Variants in SMYD3 observed in about 807,000 individuals in gnomAD.
The protein encoded by SMYD3 is SET and MYND domain containing 3, also known as histone-lysine N-methyltransferase SMYD3.
In SMYD3, 36 loss-of-function variants were observed where a neutral mutation model predicts 57.7. That is an observed-to-expected ratio of 0.62 (90% CI 0.48 to 0.82). The LOEUF is 0.82. Among genes scored for constraint, SMYD3 ranks in the 40% least tolerant of loss-of-function variants. The pLI is 0.00. For missense variants in SMYD3, 515 were observed against 538.8 expected (o/e 0.96, Z 0.44); for synonymous variants, 211 against 195.0 (o/e 1.08, Z -0.68).
intron 10 of SMYD3, among the ~76,000 whole-genome samples, chr1:245,827,604 A>G (rs1465615925): frequency 2.2e-5 from 3 of 133,844 alleles, no homozygotes; most frequent in African/African-American, 8.0e-5. Flanking sequence ...ACACACTCTC[A>G]TAGCAGCATC....
intron 5 of SMYD3, among the ~76,000 whole-genome samples, chr1:245,949,020 C>T (rs906781582): frequency 4.5e-4 from 68 of 152,236 alleles, no homozygotes; most frequent in African/African-American, 1.6e-3. Context: ...ATCTAGCATC[C>T]ATTGCATGTG....
At chr1:246,256,829 C>T (rs907559097) in intron 5 of SMYD3, among the ~76,000 whole-genome samples, 1 of 152,152 alleles carries the variant, frequency 6.6e-6, no homozygotes, top group Non-Finnish European at 1.5e-5. Flanking sequence ...CCTCTTAACA[C>T]TACTTTTGCT....
At chr1:246,169,819 G>A (rs997084282) in intron 5 of SMYD3, among the ~76,000 whole-genome samples, 3 of 151,340 alleles carry the variant, frequency 2.0e-5, no homozygotes, top group Admixed American at 2.0e-4. Context: ...CAGGAGAATC[G>A]CTTGAACCCA....
chr1:245,996,813 G>C (rs1055304527), intron 5 of SMYD3, among the ~76,000 whole-genome samples: 1 of 152,200 alleles, frequency 6.6e-6, no homozygotes, highest in African/African-American at 2.4e-5. Context: ...AAAGCCTATG[G>C]GAGGGGAACG....
At chr1:246,186,530 T>C (rs900490137) in intron 5 of SMYD3, among the ~76,000 whole-genome samples, 6 of 152,062 alleles carry the variant, frequency 3.9e-5, no homozygotes, top group African/African-American at 9.7e-5. Context: ...GCACAAGTAC[T>C]CTGAAACCAG....
chr1:246,386,136 C>T (rs764438499), intron 1 of SMYD3, among the ~76,000 whole-genome samples: 1 of 152,174 alleles, frequency 6.6e-6, no homozygotes, highest in African/African-American at 2.4e-5. Context: ...GATCCATCCG[C>T]CTCAACCTTC....
intron 5 of SMYD3, among the ~76,000 whole-genome samples, chr1:246,155,430 G>A (rs1348780574): frequency 1.3e-5 from 2 of 152,140 alleles, no homozygotes; most frequent in African/African-American, 4.8e-5. Flanking sequence ...TTGTAGATAT[G>A]CTGATTAAAG....
intron 1 of SMYD3, among the ~76,000 whole-genome samples, chr1:246,465,002 G>A (rs1023901729): frequency 1.3e-5 from 2 of 152,140 alleles, no homozygotes; most frequent in Non-Finnish European, 2.9e-5. Context: ...ATCACAACCA[G>A]CTATGGATTT....
chr1:246,106,864 G>A (rs1336857358), intron 5 of SMYD3, among the ~76,000 whole-genome samples: 4 of 152,024 alleles, frequency 2.6e-5, no homozygotes, highest in African/African-American at 9.7e-5. Flanking sequence ...AACTACTAAG[G>A]GACTTGTATA....
chr1:245,777,725 G>A (rs2046661786), intron 10 of SMYD3, among the ~76,000 whole-genome samples: 1 of 152,084 alleles, frequency 6.6e-6, no homozygotes, highest in African/African-American at 2.4e-5. Context: ...ATAGCTTAAT[G>A]GTCTGCCCAC....
At chr1:245,808,303 C>T (rs1046140398) in intron 10 of SMYD3, among the ~76,000 whole-genome samples, 13 of 152,150 alleles carry the variant, frequency 8.5e-5, no homozygotes, top group South Asian at 4.1e-4. Context: ...CCCCCACCTA[C>T]GTAACACACA....
intron 5 of SMYD3, chr1:246,326,349 C>G (rs1163822452): frequency 5.8e-6 from 4 of 693,954 alleles, no homozygotes; most frequent in Non-Finnish European, 1.1e-5. Flanking sequence ...TTCTGTCATC[C>G]CTATCCCAGG....
intron 1 of SMYD3, among the ~76,000 whole-genome samples, chr1:246,481,607 T>TATATATATATATATACACAC (rs1156393004): frequency 8.1e-5 from 5 of 61,948 alleles, no homozygotes; most frequent in South Asian, 5.4e-4. Flanking sequence ...TATATATATA[T>TATATATATATATATACACAC]ACACATACAT....
At chr1:245,848,753 C>T (rs2050797810) in intron 10 of SMYD3, among the ~76,000 whole-genome samples, 1 of 152,012 alleles carries the variant, frequency 6.6e-6, no homozygotes, top group Non-Finnish European at 1.5e-5. Flanking sequence ...GTTGGTGGCT[C>T]AAGAGCCAAG....
chr1:245,812,525 C>T (rs2048530664), intron 10 of SMYD3, among the ~76,000 whole-genome samples: 2 of 152,102 alleles, frequency 1.3e-5, no homozygotes, highest in African/African-American at 4.8e-5. Context: ...CCATTGTGAC[C>T]AACGTCACCA....
intron 1 of SMYD3, among the ~76,000 whole-genome samples, chr1:246,433,145 C>T (rs1009811039): frequency 6.6e-6 from 1 of 152,122 alleles, no homozygotes; most frequent in Admixed American, 6.5e-5. Flanking sequence ...AATTGGTATA[C>T]AAAAATCAGC....
At chr1:246,002,280 G>A (rs1167322873) in intron 5 of SMYD3, among the ~76,000 whole-genome samples, 3 of 128,350 alleles carry the variant, frequency 2.3e-5, no homozygotes, top group Non-Finnish European at 3.5e-5. Flanking sequence ...CGCCTCCCGG[G>A]TTCACGCCAT....
At chr1:246,064,281 G>A (rs1163109459) in intron 5 of SMYD3, among the ~76,000 whole-genome samples, 1 of 152,114 alleles carries the variant, frequency 6.6e-6, no homozygotes. Context: ...GGAAAACAGG[G>A]CCTTTTTCTG....
At chr1:246,416,636 A>G (rs1202686573) in intron 1 of SMYD3, among the ~76,000 whole-genome samples, 1 of 152,140 alleles carries the variant, frequency 6.6e-6, no homozygotes, top group East Asian at 1.9e-4. Flanking sequence ...TTTTGCATTG[A>G]AAATCATACA....
Sources: allele counts gnomAD v4.1 joint callset (sites outside exome capture counted in the v4.1 genomes callset), GRCh38; gene constraint gnomAD v4.1.1; transcripts MANE v1.5; gene names NCBI Gene and HGNC (gene_info 2026-07-23, HGNC 2026-07-21).